The following BARHL1 variants were observed in gnomAD, a reference collection of about 807,000 sequenced individuals.
BARHL1 encodes the protein BarH like homeobox 1.
BARHL1 carries 2 observed loss-of-function variants against 20.1 expected under a neutral mutation model. The observed-to-expected ratio is 0.10, with a 90% CI of 0.04 to 0.31. The LOEUF (loss-of-function observed/expected upper bound fraction) is 0.31. Ranked by LOEUF, BARHL1 falls within the 10% of genes least tolerant of loss-of-function variation. The pLI is 1.00. For synonymous variants in BARHL1, 213 were observed against 209.9 expected, an observed-to-expected ratio of 1.01 and a Z score of -0.13; for missense variants, 397 against 454.0, an observed-to-expected ratio of 0.87 and a Z score of 1.14.
Position 132,589,248 on chromosome 9 carries a change from C to G in BARHL1, c.710C>G (p.Thr237Arg). The stretch of plus-strand genomic sequence containing the variant: ...CCCAGGACTAAATGGAAGCGACAGA[C>G]GGCCGTCGGGTTGGAGCTGCTGGCG... The part of the protein sequence containing the change: ...QNRRTKWKRQ[T>R]AVGLELLAEA... Residue 237 changes from threonine to arginine, a missense_variant, in exon 3 of 3, where the codon ACG becomes AGG. Physicochemically the swap from Thr to Arg is moderately conservative, Grantham distance 71. Around this residue, in one of 3 missense-constraint regions of BARHL1, gnomAD observed 121 missense variants for 135.9 expected, o/e 0.89. Coordinates refer to ENST00000263610, the MANE Select transcript of BARHL1 (RefSeq NM_020064.4). The G allele has an allele frequency of 6.2e-7, 1 of 1,612,040 alleles. No homozygotes were observed. Among genetic ancestry groups the G allele is most frequent in the Non-Finnish European group, 8.5e-7 (1 of 1,179,330 alleles).
chr9:132,588,864 G>GC (rs1321632036), intron 2 of BARHL1, among the ~76,000 whole-genome samples: 1 of 152,180 alleles, frequency 6.6e-6, no homozygotes, highest in African/African-American at 2.4e-5. Context: ...GCAGGGAGGA[G>GC]CACCCCCTAC....
At chr9:132,584,864 G>A (rs988106752) in intron 1 of BARHL1, among the ~76,000 whole-genome samples, 9 of 152,202 alleles carry the variant, frequency 5.9e-5, no homozygotes, top group African/African-American at 2.2e-4. Context: ...ATGGAGAAGG[G>A]GGAGGAGGAA....
chr9:132,585,446 C>G (rs1830131392), intron 1 of BARHL1, among the ~76,000 whole-genome samples: 1 of 152,240 alleles, frequency 6.6e-6, no homozygotes, highest in Admixed American at 6.5e-5. Flanking sequence ...TTTCTGCTAT[C>G]AAAGGCTCTT....
At position 132,589,481 on chromosome 9, in the gene BARHL1, C is replaced by G. The variant is rs538965562; in HGVS notation, c.943C>G (p.Pro315Ala). The G allele has an allele frequency of 3.1e-5, 46 of 1,488,554 alleles. No homozygotes were observed. Among genetic ancestry groups the G allele is most frequent in the Middle Eastern group, 1.9e-4 (1 of 5,156 alleles). 92.2% of individuals were successfully genotyped at this position (1,488,554 alleles called of 1,614,324 possible). Residue 315 changes from proline to alanine, a missense_variant, in exon 3 of 3, where the codon CCC becomes GCC. Coordinates refer to ENST00000263610, the MANE Select transcript of BARHL1 (RefSeq NM_020064.4). The stretch of plus-strand genomic sequence containing the variant: ...CAGCGAGCCGCCCCCGCCGCTGCCC[C>G]CCCTGGCCGGCGTCCTCCCACGCGC... ...GASEPPPPLPPLAGVLPRAAQ... is the reference protein window; with the variant it reads ...GASEPPPPLPALAGVLPRAAQ...
intron 1 of BARHL1, among the ~76,000 whole-genome samples, chr9:132,583,897 AC>A (rs201884254): frequency 0.012 from 1,762 of 152,180 alleles, 26 homozygotes; most frequent in Middle Eastern, 0.071. Context: ...CCCTGCACCC[AC>A]CCCCCAATGG....
chr9:132,588,508 C>A (rs964447564), intron 2 of BARHL1, among the ~76,000 whole-genome samples: 1 of 152,076 alleles, frequency 6.6e-6, no homozygotes, highest in Non-Finnish European at 1.5e-5. Context: ...TTAGTGGGAC[C>A]CTGGCTGGTC....
At position 132,582,710 on chromosome 9, in the gene BARHL1, G is replaced by A; in HGVS notation, c.-88G>A. The A allele has an allele frequency of 1.6e-6, 2 of 1,262,888 alleles. No homozygotes were observed. Among genetic ancestry groups the A allele is most frequent in the South Asian group, 1.5e-5 (1 of 66,170 alleles). 78.2% of individuals were successfully genotyped at this position (1,262,888 alleles called of 1,614,324 possible). A position where few individuals can be genotyped will look rare whatever the true frequency, so the allele number is the denominator to read the frequency against. On this transcript the variant is annotated 5_prime_UTR_variant, in exon 1 of 3. The change abolishes an upstream ATG in the 5' untranslated region. Transcript: ENST00000263610. Reference sequence around the variant, plus strand: ...CAGGCTCCCTGCCCGCCTTCCCCATGCCAGCCCGCAGCTAGGGGCAGGGGC... The same window carrying A: ...CAGGCTCCCTGCCCGCCTTCCCCATACCAGCCCGCAGCTAGGGGCAGGGGC...
At chr9:132,588,187 C>T (rs1462488930) in intron 2 of BARHL1, among the ~76,000 whole-genome samples, 4 of 152,140 alleles carry the variant, frequency 2.6e-5, no homozygotes, top group African/African-American at 4.8e-5. Context: ...ACTCACCAGA[C>T]GTAGATGCAA....
intron 1 of BARHL1, among the ~76,000 whole-genome samples, chr9:132,585,333 A>G (rs1219118573): frequency 6.6e-6 from 1 of 152,188 alleles, no homozygotes; most frequent in Admixed American, 6.5e-5. Context: ...AGACACCCTG[A>G]GCCAGTCCGT....
intron 1 of BARHL1, among the ~76,000 whole-genome samples, chr9:132,585,194 G>A (rs1589937692): frequency 6.6e-6 from 1 of 152,160 alleles, no homozygotes; most frequent in East Asian, 1.9e-4. Context: ...GGGGTAGAAG[G>A]TCTTGCCCAA....
chr9:132,587,607 C>T lies in BARHL1; in HGVS notation c.689+56C>T. ...AAGGGAACTTCCCCTTTCCTCACAG[C>T]TCCTGGAGGGGACCAGGAGTCTACA... On this transcript the variant is annotated intron_variant, in intron 2 of 2. Coordinates refer to ENST00000263610, the MANE Select transcript of BARHL1 (RefSeq NM_020064.4). The surrounding 1 kb of genome is among the most constrained non-coding windows in gnomAD (Gnocchi z 5.5). 1 of 1,487,912 alleles carries T rather than the reference C, an allele frequency of 6.7e-7. No individual in the cohort carries two copies. Among genetic ancestry groups the T allele is most frequent in the Non-Finnish European group, 9.2e-7 (1 of 1,091,864 alleles). The allele number at this position is 1,487,912 out of a possible 1,614,324, so 92.2% of individuals were successfully genotyped here. A position where few individuals can be genotyped will look rare whatever the true frequency, so the allele number is the denominator to read the frequency against.
chr9:132,589,685 A>C lies in BARHL1; in HGVS notation c.*163A>C, dbSNP rs183364605. ...CCCCGAAGGGCCAAATGCCAAGTCCACTGAGGCCCGGACCCCGGACTGCGT... is the reference window on the plus strand; with the variant it reads ...CCCCGAAGGGCCAAATGCCAAGTCCCCTGAGGCCCGGACCCCGGACTGCGT... On this transcript the variant is annotated 3_prime_UTR_variant, in exon 3 of 3. Coordinates refer to ENST00000263610, the MANE Select transcript of BARHL1 (RefSeq NM_020064.4). 2.0e-6 allele frequency: 2 copies of C among 997,340 alleles called. No homozygotes were observed. Among genetic ancestry groups the C allele is most frequent in the African/African-American group, 1.7e-5 (1 of 58,542 alleles). 61.8% of individuals were successfully genotyped at this position (997,340 alleles called of 1,614,324 possible).
chr9:132,583,031 G>A lies in BARHL1; in HGVS notation c.234G>A (p.Leu78=). The A allele has an allele frequency of 6.2e-7, 1 of 1,613,798 alleles. No homozygotes were observed. Among genetic ancestry groups the A allele is most frequent in the Non-Finnish European group, 8.5e-7 (1 of 1,179,944 alleles). ...GASGPGLDSH[L]QPGQLSAPAQ... ...CCGGCCCAGGTTTGGACTCCCACCT[G>A]CAGCCCGGGCAGCTCTCAGCCCCGG... The change falls in exon 1 of 3, where the codon CTG becomes CTA. Residue 78 remains leucine, a synonymous_variant. Coordinates refer to ENST00000263610, the MANE Select transcript of BARHL1 (RefSeq NM_020064.4).
chr9:132,589,250 G>A lies in BARHL1; in HGVS notation c.712G>A (p.Ala238Thr). The change falls in exon 3 of 3, where the codon GCC (alanine) becomes ACC (threonine). Residue 238 changes from alanine (A) to threonine (T), a missense_variant. Physicochemically the swap from Ala to Thr is moderately conservative, Grantham distance 58. Around this residue, in one of 3 missense-constraint regions of BARHL1, gnomAD observed 121 missense variants for 135.9 expected, o/e 0.89. Coordinates refer to ENST00000263610, the MANE Select transcript of BARHL1 (RefSeq NM_020064.4). ...NRRTKWKRQT[A>T]VGLELLAEAG... ...CAGGACTAAATGGAAGCGACAGACG[G>A]CCGTCGGGTTGGAGCTGCTGGCGGA... The A allele has an allele frequency of 6.2e-7, 1 of 1,612,198 alleles. No individual in the cohort carries two copies. The highest frequency in any genetic ancestry group is 8.5e-7 in the Non-Finnish European group (1 of 1,179,378).
Position 132,587,206 on chromosome 9 carries a change from G to A in BARHL1, c.467-123G>A. On this transcript the variant is annotated intron_variant, in intron 1 of 2. Coordinates refer to ENST00000263610, the MANE Select transcript of BARHL1 (RefSeq NM_020064.4). This position sits in a 1 kb window ranked among gnomAD's most constrained non-coding sequence, Gnocchi z 5.5. The stretch of plus-strand genomic sequence containing the variant: ...GGTCCCGTCTGAGAGCGGCCCCCGC[G>A]AGCTTGGGTGTCGCGGAACCACCGC... The A allele has an allele frequency of 1.1e-6, 1 of 950,556 alleles. No homozygotes were observed. Among genetic ancestry groups the A allele is most frequent in the Non-Finnish European group, 1.6e-6 (1 of 636,988 alleles). 58.9% of individuals were successfully genotyped at this position (950,556 alleles called of 1,614,324 possible). A position where few individuals can be genotyped will look rare whatever the true frequency, so the allele number is the denominator to read the frequency against.
At position 132,582,742 on chromosome 9, in the gene BARHL1, G is replaced by T; in HGVS notation, c.-56G>T. 1.4e-6 allele frequency: 2 copies of T among 1,446,494 alleles called. No individual in the cohort carries two copies. The highest frequency in any genetic ancestry group is 1.9e-6 in the Non-Finnish European group (2 of 1,071,078). 89.6% of individuals were successfully genotyped at this position (1,446,494 alleles called of 1,614,324 possible). A position where few individuals can be genotyped will look rare whatever the true frequency, so the allele number is the denominator to read the frequency against. On this transcript the variant is annotated 5_prime_UTR_variant, in exon 1 of 3. Coordinates refer to ENST00000263610, the MANE Select transcript of BARHL1 (RefSeq NM_020064.4). The stretch of plus-strand genomic sequence containing the variant: ...CGCAGCTAGGGGCAGGGGCAGCGGC[G>T]GCTGGGGTTGGGGGTGGGTGGGGAG...
chr9:132,582,724 A>C lies in BARHL1; in HGVS notation c.-74A>C. On this transcript the variant is annotated 5_prime_UTR_variant, in exon 1 of 3. The change abolishes the stop of an existing upstream ORF in the 5' untranslated region. Coordinates refer to ENST00000263610, the MANE Select transcript of BARHL1 (RefSeq NM_020064.4). The stretch of plus-strand genomic sequence containing the variant: ...GCCTTCCCCATGCCAGCCCGCAGCT[A>C]GGGGCAGGGGCAGCGGCGGCTGGGG... 1 of 1,308,006 alleles carries C rather than the reference A, an allele frequency of 7.6e-7. No individual in the cohort carries two copies. The highest frequency in any genetic ancestry group is 1.0e-6 in the Non-Finnish European group (1 of 959,214). The allele number at this position is 1,308,006 out of a possible 1,614,324, so 81.0% of individuals were successfully genotyped here.
In BARHL1 at chr9:132,589,770, C is replaced by A. The variant is rs1461052919; in HGVS notation, c.*248C>A. 3.5e-5 allele frequency: 14 copies of A among 402,342 alleles called. No individual in the cohort carries two copies. Among genetic ancestry groups the A allele is most frequent in the Non-Finnish European group, 4.9e-5 (12 of 246,418 alleles). 24.9% of individuals were successfully genotyped at this position (402,342 alleles called of 1,614,324 possible). A position where few individuals can be genotyped will look rare whatever the true frequency, so the allele number is the denominator to read the frequency against. On this transcript the variant is annotated 3_prime_UTR_variant, in exon 3 of 3. Coordinates refer to ENST00000263610, the MANE Select transcript of BARHL1 (RefSeq NM_020064.4). ...CGCTCTGTCCGGGAGCCATCCCCAC[C>A]CGCCGGGTGTACATACGCGTCTCTG...
chr9:132,584,491 C>T (rs1830117293), intron 1 of BARHL1, among the ~76,000 whole-genome samples: 1 of 151,378 alleles, frequency 6.6e-6, no homozygotes, highest in Non-Finnish European at 1.5e-5. Context: ...CACCCCCACC[C>T]CACCCCCAGC....
Sources: allele counts gnomAD v4.1 joint callset (sites outside exome capture counted in the v4.1 genomes callset), GRCh38; gene constraint gnomAD v4.1.1; regional missense constraint gnomAD v4.1.1; non-coding constraint Gnocchi (gnomAD v3.1); transcripts MANE v1.5; gene names NCBI Gene and HGNC (gene_info 2026-07-23, HGNC 2026-07-21).